The following TFRC variants were observed in gnomAD, a reference collection of about 807,000 sequenced individuals.
The protein encoded by TFRC is transferrin receptor protein 1.
A neutral mutation model predicts 85.8 loss-of-function variants in TFRC; 35 were observed. That is an observed-to-expected ratio of 0.41 (90% CI 0.31 to 0.54). TFRC has a LOEUF of 0.54. Among genes scored for constraint, TFRC ranks in the 20% least tolerant of loss-of-function variants. The pLI, the probability that TFRC is intolerant of heterozygous loss-of-function variation, is 0.31. For synonymous variants in TFRC, 362 were observed against 328.6 expected (o/e 1.10, Z -1.10); for missense variants, 828 against 921.5 (o/e 0.90, Z 1.31).
At chr3:196,063,420 T>C (rs2300780) in intron 11 of TFRC, 74,145 of 153,616 alleles carry the variant, frequency 0.48, 19,681 homozygotes, top group Non-Finnish European at 0.61. Flanking sequence ...AGAGAAACTA[T>C]ATTTGTGACA....
chr3:196,071,504 A>T lies in TFRC; in HGVS notation c.585-6T>A. 1 of 1,613,626 alleles carries T rather than the reference A, an allele frequency of 6.2e-7. No individual in the cohort carries two copies. The highest frequency in any genetic ancestry group is 8.5e-7 in the Non-Finnish European group (1 of 1,179,556). ...TGATCACCGAGTTTTGAGCGCTGTTAAAAAGATTAAGTTAAAATAAGCCTA... is the reference window on the plus strand; with the variant it reads ...TGATCACCGAGTTTTGAGCGCTGTTTAAAAGATTAAGTTAAAATAAGCCTA... On this transcript the variant is annotated splice_region_variant and splice_polypyrimidine_tract_variant and intron_variant, in intron 5 of 18. Coordinates refer to ENST00000360110, the MANE Select transcript of TFRC (RefSeq NM_001128148.3).
chr3:196,062,969 A>C (rs535214024), intron 11 of TFRC, 30 bp from the exon 12 acceptor site: 2 of 1,586,738 alleles, frequency 1.3e-6, no homozygotes, highest in South Asian at 2.2e-5. Context: ...GCTTTACCTG[A>C]GGAAAGGTTA....
At chr3:196,066,415 A>G (rs781235318) in intron 9 of TFRC, among the ~76,000 whole-genome samples, 4 of 152,138 alleles carry the variant, frequency 2.6e-5, no homozygotes, top group Non-Finnish European at 4.4e-5. Flanking sequence ...GGATCATGCC[A>G]CTGCACTCCT....
At position 196,050,855 on chromosome 3, in the gene TFRC, T is replaced by C. The variant is rs1291299371; in HGVS notation, c.*1087A>G. The stretch of plus-strand genomic sequence containing the variant: ...TAGCTTCAACTTTATTCAATTACAT[T>C]TGGCTGACGGCTGTTTTCTAAAACC... On this transcript the variant is annotated 3_prime_UTR_variant, in exon 19 of 19. Transcript: ENST00000360110. The C allele has an allele frequency of 4.9e-6, 1 of 202,874 alleles. No homozygotes were observed. The highest frequency in any genetic ancestry group is 1.0e-5 in the Non-Finnish European group (1 of 98,734). 12.6% of individuals were successfully genotyped at this position (202,874 alleles called of 1,614,324 possible). A position where few individuals can be genotyped will look rare whatever the true frequency, so the allele number is the denominator to read the frequency against.
chr3:196,065,262 C>CAA (rs55922619), intron 10 of TFRC, among the ~76,000 whole-genome samples, 181 bp downstream of exon 10: 1 of 136,272 alleles, frequency 7.3e-6, no homozygotes, highest in African/African-American at 2.8e-5. Context: ...AACTCTTTCT[C>CAA]AAAAAAAAAA....
rs911588623 is a variant in TFRC at position 196,050,616 on chromosome 3, G to A, written c.*1326C>T. 4.9e-6 allele frequency: 1 copy of A among 203,716 alleles called. No homozygotes were observed. The highest frequency in any genetic ancestry group is 2.3e-5 in the African/African-American group (1 of 43,700). 12.6% of individuals were successfully genotyped at this position (203,716 alleles called of 1,614,324 possible). On this transcript the variant is annotated 3_prime_UTR_variant, in exon 19 of 19. Transcript: ENST00000360110. Reference sequence around the variant, plus strand: ...GCTCCCGATAATGTGTTAGGATTGTGACAAAGGTACTGGAAATTTTGCAAA... The same window carrying A: ...GCTCCCGATAATGTGTTAGGATTGTAACAAAGGTACTGGAAATTTTGCAAA...
chr3:196,060,109 C>A, intron 14 of TFRC, 71 bp downstream of exon 14: 1 of 1,203,486 alleles, frequency 8.3e-7, no homozygotes, highest in Non-Finnish European at 1.2e-6. Flanking sequence ...GTTTACATAT[C>A]AGTGTTTTTT....
intron 16 of TFRC, among the ~76,000 whole-genome samples, chr3:196,057,791 A>C (rs1560069762): frequency 1.3e-5 from 2 of 151,194 alleles, no homozygotes; most frequent in African/African-American, 2.4e-5. Context: ...CAAAAAAAAA[A>C]AAAAAAACAA....
intron 1 of TFRC, among the ~76,000 whole-genome samples, chr3:196,079,164 C>G (rs76451195): frequency 6.6e-6 from 1 of 152,200 alleles, no homozygotes; most frequent in African/African-American, 2.4e-5. Flanking sequence ...TCCACCAGAA[C>G]AGTAAGGACC....
Position 196,050,366 on chromosome 3 carries a change from T to C in TFRC, c.*1576A>G, listed in dbSNP as rs1457356924. ...CAATGCTTAATGACCACAAAATGTT[T>C]CTGCAACTAAAACTAAAAGATAGGG... On this transcript the variant is annotated 3_prime_UTR_variant, in exon 19 of 19. Transcript: ENST00000360110. 1 of 215,764 alleles carries C rather than the reference T, an allele frequency of 4.6e-6. No homozygotes were observed. Among genetic ancestry groups the C allele is most frequent in the Non-Finnish European group, 9.4e-6 (1 of 106,930 alleles). 13.4% of individuals were successfully genotyped at this position (215,764 alleles called of 1,614,324 possible).
intron 16 of TFRC, among the ~76,000 whole-genome samples, chr3:196,055,810 A>C (rs1035081505): frequency 2.2e-5 from 3 of 138,704 alleles, no homozygotes; most frequent in Admixed American, 7.5e-5. Flanking sequence ...GGTCTCTGTC[A>C]CCCAGGCTAG....
At chr3:196,057,081 A>G (rs1716856362) in intron 16 of TFRC, among the ~76,000 whole-genome samples, 1 of 152,154 alleles carries the variant, frequency 6.6e-6, no homozygotes, top group Admixed American at 6.5e-5. Context: ...TGGCCTCCCA[A>G]AGTGCTGGGA....
At chr3:196,062,980 T>C (rs1717411193) in intron 11 of TFRC, 41 bp from the exon 12 acceptor site, 3 of 1,540,568 alleles carry the variant, frequency 1.9e-6, no homozygotes, top group Admixed American at 1.7e-5. Flanking sequence ...GGAAAGGTTA[T>C]ACACAGACAA....
intron 17 of TFRC, 107 bp downstream of exon 17, chr3:196,054,973 G>T: frequency 5.3e-6 from 6 of 1,125,842 alleles, no homozygotes; most frequent in Non-Finnish European, 7.9e-6. Context: ...ACTTTAAAAT[G>T]TACTATGGCT....
In TFRC at chr3:196,071,485, C is replaced by T; in HGVS notation, c.598G>A (p.Val200Met). Reference protein sequence around the residue: ...IQVKDSAQNSVIIVDKNGRLV... With the variant: ...IQVKDSAQNSMIIVDKNGRLV... ...CTACCGTTCTTATCAACTATGATCA[C>T]CGAGTTTTGAGCGCTGTTAAAAAGA... is the stretch of plus-strand genomic sequence containing the variant. The change falls in exon 6 of 19, where the codon GTG becomes ATG. Residue 200 changes from valine to methionine, a missense_variant. Physicochemically the swap from Val to Met is conservative, Grantham distance 21. Transcript: ENST00000360110. 1.9e-6 allele frequency: 3 copies of T among 1,614,050 alleles called. No individual in the cohort carries two copies. The highest frequency in any genetic ancestry group is 2.5e-6 in the Non-Finnish European group (3 of 1,179,964).
intron 16 of TFRC, among the ~76,000 whole-genome samples, chr3:196,056,242 GCTGGT>G (rs1435967918): frequency 6.6e-6 from 1 of 152,138 alleles, no homozygotes; most frequent in East Asian, 1.9e-4. Flanking sequence ...CGTTACCCAG[GCTGGT>G]CTCACTCCTG....
chr3:196,070,877 G>A (rs1036834219), intron 6 of TFRC, among the ~76,000 whole-genome samples: 4 of 151,918 alleles, frequency 2.6e-5, no homozygotes, highest in South Asian at 2.1e-4. Flanking sequence ...GGGTGGTGGT[G>A]GAGAATGCAG....
Position 196,052,292 on chromosome 3 carries a change from CTTTTTT to C in TFRC, c.2041-114_2041-109del, listed in dbSNP as rs529214594. ...CCCAAATTTAAGAATGCCGATCAGA[CTTTTTT>C]TTTTTTTTTTTTTTTTTGACACAGA... is the stretch of plus-strand genomic sequence containing the variant. On this transcript the variant is annotated intron_variant, in intron 18 of 18. Coordinates refer to ENST00000360110, the MANE Select transcript of TFRC (RefSeq NM_001128148.3). 6.3e-3 allele frequency: 3,408 copies of C among 544,458 alleles called. 1 individual carries two copies. Among genetic ancestry groups the C allele is most frequent in the Middle Eastern group, 8.3e-3 (14 of 1,680 alleles). 33.7% of individuals were successfully genotyped at this position (544,458 alleles called of 1,614,324 possible).
chr3:196,075,188 G>C lies in TFRC; in HGVS notation c.209C>G (p.Thr70Ser), dbSNP rs1015007364. 5.0e-6 allele frequency: 8 copies of C among 1,613,970 alleles called. No homozygotes were observed. The African/African-American group carries it at 1.1e-4, about 22-fold the overall frequency. The change falls in exon 3 of 19, where the codon ACT becomes AGT. Residue 70 changes from threonine (T) to serine (S), a missense_variant. Coordinates refer to ENST00000360110, the MANE Select transcript of TFRC (RefSeq NM_001128148.3). ...KRCSGSICYG[T>S]IAVIVFFLIG... ...CAAGAAAAAGACGATCACAGCAATA[G>C]TCCCATAGCAGATACTTCCACTACA...
Sources: allele counts gnomAD v4.1 joint callset (sites outside exome capture counted in the v4.1 genomes callset), GRCh38; gene constraint gnomAD v4.1.1; transcripts MANE v1.5; gene names NCBI Gene and HGNC (gene_info 2026-07-23, HGNC 2026-07-21).